SPHKAP: variants seen among roughly 807,000 people sequenced by gnomAD.
SPHKAP encodes SPHK1 interactor, AKAP domain containing.
In SPHKAP, 67 loss-of-function variants were observed where a neutral mutation model predicts 137.5. The ratio of observed to expected loss-of-function variants is 0.49; its 90% CI spans 0.40 to 0.60. The LOEUF (loss-of-function observed/expected upper bound fraction) is 0.60, where lower values mean the gene tolerates loss of function less well. Among genes scored for constraint, SPHKAP ranks in the 20% least tolerant of loss-of-function variants. The pLI, the probability that SPHKAP is intolerant of heterozygous loss-of-function variation, is 0.00. For missense variants in SPHKAP, 2,097 were observed against 2,069.3 expected, an observed-to-expected ratio of 1.01 and a Z score of -0.26; for synonymous variants, 813 against 785.3, an observed-to-expected ratio of 1.04 and a Z score of -0.59.
intron 1 of SPHKAP, among the ~76,000 whole-genome samples, chr2:228,180,762 AC>A: frequency 6.6e-6 from 1 of 152,240 alleles, no homozygotes; most frequent in East Asian, 1.9e-4. Context: ...ATTTACCCAG[AC>A]ATTTATGGGA....
At chr2:228,161,220 A>T (rs145579176) in intron 1 of SPHKAP, among the ~76,000 whole-genome samples, 1 of 152,336 alleles carries the variant, frequency 6.6e-6, no homozygotes, top group East Asian at 1.9e-4. Flanking sequence ...GTAGGTAGGA[A>T]TGACTAAAAG....
chr2:228,056,704 GT>G (rs1574807359), intron 3 of SPHKAP, among the ~76,000 whole-genome samples: 2 of 152,224 alleles, frequency 1.3e-5, no homozygotes, highest in East Asian at 3.9e-4. Context: ...TGTTTATAGA[GT>G]ATTGGCAAAT....
At chr2:228,036,360 A>G (rs1695593560) in intron 3 of SPHKAP, among the ~76,000 whole-genome samples, 1 of 152,140 alleles carries the variant, frequency 6.6e-6, no homozygotes, top group Non-Finnish European at 1.5e-5. Context: ...TTAGAATGGC[A>G]ATCATTAAAA....
chr2:228,027,890 C>G, intron 3 of SPHKAP: 1 of 456,222 alleles, frequency 2.2e-6, no homozygotes, highest in Non-Finnish European at 2.8e-6. Flanking sequence ...TGCTTGAACC[C>G]AGGAGGCGGA....
Position 228,016,745 on chromosome 2 carries a change from C to A in SPHKAP, c.4109G>T (p.Cys1370Phe). The change falls in exon 7 of 12, where the codon TGC becomes TTC. Residue 1370 changes from cysteine (C) to phenylalanine (F), a missense_variant. Physicochemically the swap from Cys to Phe is radical, Grantham distance 205. Transcript: ENST00000392056. ...TTCGGTAACAGAGTCTTTCCTCGGG[C>A]AATCGAGAGACTCCTGAACAAGCAG... is the stretch of plus-strand genomic sequence containing the variant. ...PTLLVQESLD[C>F]PRKDSVTECK... 3 of 1,614,072 alleles carry A rather than the reference C, an allele frequency of 1.9e-6. No individual in the cohort carries two copies. Among genetic ancestry groups the A allele is most frequent in the Non-Finnish European group, 2.5e-6 (3 of 1,180,008 alleles).
chr2:227,989,433 C>G (rs560852285), intron 11 of SPHKAP, among the ~76,000 whole-genome samples: 2 of 152,104 alleles, frequency 1.3e-5, no homozygotes, highest in Admixed American at 1.3e-4. Flanking sequence ...AAAATCCTAC[C>G]TGGTGGCTTG....
chr2:228,128,247 T>A (rs977303890), intron 2 of SPHKAP, among the ~76,000 whole-genome samples: 1 of 152,230 alleles, frequency 6.6e-6, no homozygotes, highest in Non-Finnish European at 1.5e-5. Flanking sequence ...CAATTAAGTT[T>A]ACGTAATATT....
chr2:228,082,645 G>A (rs1047092729), intron 3 of SPHKAP, among the ~76,000 whole-genome samples: 1 of 152,088 alleles, frequency 6.6e-6, no homozygotes, highest in Non-Finnish European at 1.5e-5. Flanking sequence ...GCTAAAAATG[G>A]GTATAAATAG....
intron 1 of SPHKAP, among the ~76,000 whole-genome samples, chr2:228,149,490 GAA>G (rs1466224558): frequency 6.6e-6 from 1 of 152,174 alleles, no homozygotes; most frequent in Non-Finnish European, 1.5e-5. Context: ...TGCTGGAGAA[GAA>G]CTAAGGTAGT....
At chr2:228,113,741 CTTTGGT>C (rs1357410636) in intron 2 of SPHKAP, among the ~76,000 whole-genome samples, 1 of 151,802 alleles carries the variant, frequency 6.6e-6, no homozygotes, top group Non-Finnish European at 1.5e-5. Context: ...CTCCCTTTGC[CTTTGGT>C]AAACAATTAA....
intron 11 of SPHKAP, among the ~76,000 whole-genome samples, chr2:227,984,845 C>A (rs190114424): frequency 1.8e-4 from 27 of 152,232 alleles, no homozygotes; most frequent in Admixed American, 1.8e-3. Context: ...AGTCTTGGTG[C>A]CTCCTTTCAC....
chr2:228,076,028 A>G (rs1300966158), intron 3 of SPHKAP, among the ~76,000 whole-genome samples: 1 of 152,110 alleles, frequency 6.6e-6, no homozygotes, highest in African/African-American at 2.4e-5. Flanking sequence ...TCTTTTCTGC[A>G]TGTTCTCATG....
chr2:228,062,635 A>G (rs1696691280), intron 3 of SPHKAP, among the ~76,000 whole-genome samples: 1 of 152,168 alleles, frequency 6.6e-6, no homozygotes, highest in African/African-American at 2.4e-5. Context: ...AAAGCTGTGT[A>G]TTTAAAAAAA....
intron 7 of SPHKAP, among the ~76,000 whole-genome samples, chr2:227,997,725 TTTTC>T (rs1693688024): frequency 1.3e-5 from 2 of 152,166 alleles, no homozygotes; most frequent in African/African-American, 4.8e-5. Context: ...AGCAATCTAT[TTTTC>T]TTTCTTTTTG....
chr2:228,140,316 T>C (rs933077985), intron 1 of SPHKAP, among the ~76,000 whole-genome samples: 3 of 151,998 alleles, frequency 2.0e-5, no homozygotes, highest in African/African-American at 7.3e-5. Flanking sequence ...GCACACTATG[T>C]ATATGACCGC....
At chr2:228,177,946 G>T (rs371280224) in intron 1 of SPHKAP, among the ~76,000 whole-genome samples, 1 of 152,126 alleles carries the variant, frequency 6.6e-6, no homozygotes, top group East Asian at 1.9e-4. Flanking sequence ...AAACAGTACA[G>T]TATAACAATG....
chr2:227,987,042 T>A (rs768925493), intron 11 of SPHKAP, among the ~76,000 whole-genome samples: 1 of 152,238 alleles, frequency 6.6e-6, no homozygotes. Flanking sequence ...GGATTTAGGA[T>A]ACTTTAAGGC....
At chr2:228,011,446 A>T (rs2106198564) in intron 7 of SPHKAP, among the ~76,000 whole-genome samples, 1 of 152,356 alleles carries the variant, frequency 6.6e-6, no homozygotes, top group African/African-American at 2.4e-5. Flanking sequence ...GCAAGCACAG[A>T]GTCAGCTTTA....
In SPHKAP at chr2:228,134,365, G is replaced by A. The variant is rs898797104; in HGVS notation, c.33-2280C>T. Among the ~76,000 whole-genome samples, 3 of 152,142 alleles carry A rather than the reference G, an allele frequency of 2.0e-5. No individual in the cohort carries two copies. The East Asian group carries it at 5.8e-4, about 29-fold the overall frequency. On this transcript the variant is annotated intron_variant, in intron 1 of 11. Transcript: ENST00000392056. The stretch of plus-strand genomic sequence containing the variant: ...ACCTATTCTGCCACCTAGCCTTTCT[G>A]AGTCTTAGTCTCATCATTTATAAAT...
Sources: gnomAD v4.1 joint callset for allele counts (sites outside exome capture counted in the v4.1 genomes callset) on GRCh38, gnomAD v4.1.1 for gene constraint, MANE v1.5 for transcripts, NCBI Gene and HGNC (gene_info 2026-07-23, HGNC 2026-07-21) for gene names.